Variants in SLC38A9 observed in about 807,000 individuals in gnomAD.
The protein encoded by SLC38A9 is solute carrier family 38 member 9.
Under a neutral mutation model 62.3 loss-of-function variants are expected in SLC38A9, and 48 were observed. That is an observed-to-expected ratio of 0.77 (90% confidence interval 0.61 to 0.98). SLC38A9 has a LOEUF of 0.98. SLC38A9 is among the 50% of genes least tolerant of loss of function. The pLI is 0.00. For synonymous variants in SLC38A9, 204 were observed against 227.7 expected, an observed-to-expected ratio of 0.90 and a Z score of 0.94; for missense variants, 541 against 679.8, an observed-to-expected ratio of 0.80 and a Z score of 2.27.
chr5:55,691,427 G>A, intron 3 of SLC38A9: 1 of 1,091,848 alleles, frequency 9.2e-7, no homozygotes. Flanking sequence ...AGAAGGATAT[G>A]AAATCCCTAG....
At chr5:55,705,025 CT>C (rs1447549838) in intron 2 of SLC38A9, among the ~76,000 whole-genome samples, 1 of 151,966 alleles carries the variant, frequency 6.6e-6, no homozygotes, top group Non-Finnish European at 1.5e-5. Flanking sequence ...CTGTTTAAAA[CT>C]AGAAAAATTA....
At chr5:55,678,695 C>T (rs938937807) in intron 3 of SLC38A9, among the ~76,000 whole-genome samples, 5 of 120,046 alleles carry the variant, frequency 4.2e-5, no homozygotes, top group Admixed American at 2.2e-4. Context: ...CTTGCTCTGT[C>T]ACCCAGGTTG....
intron 9 of SLC38A9, among the ~76,000 whole-genome samples, chr5:55,654,636 T>C (rs1339054397): frequency 6.6e-6 from 1 of 150,888 alleles, no homozygotes; most frequent in East Asian, 1.9e-4. Flanking sequence ...GCACAGGCTG[T>C]GGATGGAAGT....
chr5:55,645,445 T>C (rs1407875822), intron 12 of SLC38A9, among the ~76,000 whole-genome samples: 1 of 152,256 alleles, frequency 6.6e-6, no homozygotes, highest in Non-Finnish European at 1.5e-5. Context: ...TGGCAAACTA[T>C]GACTCATGGG....
chr5:55,659,379 T>TTTG (rs1749055047), intron 8 of SLC38A9, among the ~76,000 whole-genome samples: 1 of 30,562 alleles, frequency 3.3e-5, no homozygotes, highest in African/African-American at 7.3e-5. Context: ...ACTGGAAAGG[T>TTTG]TTTTTTTTTT....
intron 2 of SLC38A9, chr5:55,704,352 T>C (rs954965570): frequency 2.6e-5 from 4 of 152,172 alleles, no homozygotes; most frequent in African/African-American, 9.6e-5. Context: ...ATTTTAGAAG[T>C]TGAAAAGATG....
intron 12 of SLC38A9, among the ~76,000 whole-genome samples, chr5:55,642,419 G>A (rs936587037): frequency 6.6e-6 from 1 of 152,154 alleles, no homozygotes; most frequent in South Asian, 2.1e-4. Flanking sequence ...GATAAAACAT[G>A]ACACTTCAAT....
chr5:55,692,833 C>G, intron 3 of SLC38A9: 2 of 983,072 alleles, frequency 2.0e-6, no homozygotes, highest in Non-Finnish European at 2.4e-6. Flanking sequence ...AGTCAGCATT[C>G]ATTAGTGCTT....
At position 55,677,744 on chromosome 5, in the gene SLC38A9, T is replaced by C. The variant is rs371095877; in HGVS notation, c.114-5049A>G. Among the ~76,000 whole-genome samples the C allele has an allele frequency of 1.5e-4, 22 of 151,216 alleles. No individual in the cohort carries two copies. The South Asian group carries it at 1.7e-3, about 12-fold the overall frequency. On this transcript the variant is annotated intron_variant, in intron 3 of 15. Coordinates refer to ENST00000396865, the MANE Select transcript of SLC38A9 (RefSeq NM_173514.4). ...TTTTTTGGTAGAGATGGGGCTGTTA[T>C]GTTGCCCAGGCTGATCTCAACTGAT...
chr5:55,633,944 T>C (rs1482676363), intron 13 of SLC38A9, 42 bp from the exon 14 acceptor site: 1 of 1,446,668 alleles, frequency 6.9e-7, no homozygotes, highest in Non-Finnish European at 9.6e-7. Flanking sequence ...AAAATCAAAT[T>C]CAGTACACAC....
intron 9 of SLC38A9, among the ~76,000 whole-genome samples, chr5:55,654,926 C>T (rs1748133244): frequency 6.6e-6 from 1 of 152,122 alleles, no homozygotes. Context: ...TAGCCTCAAC[C>T]CCTCAGGCTC....
chr5:55,628,420 A>G (rs920016585), intron 14 of SLC38A9, among the ~76,000 whole-genome samples: 19 of 152,228 alleles, frequency 1.2e-4, no homozygotes, highest in African/African-American at 2.4e-5. Flanking sequence ...GTCAGGTAAA[A>G]TACTATCTAG....
chr5:55,708,274 G>A (rs996893466), intron 2 of SLC38A9, among the ~76,000 whole-genome samples: 31 of 152,098 alleles, frequency 2.0e-4, no homozygotes, highest in Non-Finnish European at 3.8e-4. Flanking sequence ...AGATTGCAGC[G>A]AGCTACAATG....
intron 3 of SLC38A9, among the ~76,000 whole-genome samples, chr5:55,683,128 A>G (rs1753265446): frequency 6.6e-6 from 1 of 152,192 alleles, no homozygotes. Flanking sequence ...AAAGCAGCAC[A>G]ATAAATTACA....
rs3072768 is a variant in SLC38A9, at chr5:55,661,444, C to CA, written c.697+3248dup. Among the ~76,000 whole-genome samples the CA allele has an allele frequency of 7.4e-3, 502 of 67,672 alleles. 42 individuals are homozygous for CA. Among genetic ancestry groups the CA allele is most frequent in the African/African-American group, 0.025 (403 of 16,284 alleles). 44.4% of individuals were successfully genotyped at this position (67,672 alleles called of 152,430 possible). On this transcript the variant is annotated intron_variant, in intron 8 of 15. Transcript: ENST00000396865. ...TGGGTGACAGAGCAAGACTCCGTCT[C>CA]AAAAAAAAAAAAAAAAAAAAAAAAA... is the stretch of plus-strand genomic sequence containing the variant.
chr5:55,647,746 T>G (rs562876972), intron 11 of SLC38A9, among the ~76,000 whole-genome samples: 34 of 152,342 alleles, frequency 2.2e-4, no homozygotes, highest in African/African-American at 7.9e-4. Flanking sequence ...TCCCATTAAC[T>G]AACAAAAGCT....
At position 55,694,754 on chromosome 5, in the gene SLC38A9, C is replaced by CTCCTTTCCTT. The variant is rs570063941; in HGVS notation, c.113+3082_113+3091dup. Among the ~76,000 whole-genome samples the CTCCTTTCCTT allele has an allele frequency of 1.1e-4, 16 of 139,760 alleles. 1 individual carries two copies. In the East Asian group the frequency reaches 1.6e-3, roughly 14 times the overall value. 91.7% of individuals were successfully genotyped at this position (139,760 alleles called of 152,430 possible). A position where few individuals can be genotyped will look rare whatever the true frequency, so the allele number is the denominator to read the frequency against. On this transcript the variant is annotated intron_variant, in intron 3 of 15. Transcript: ENST00000396865. Reference sequence around the variant, plus strand: ...CCCCACCCTTCTCCTCTCCTCTCCTCTCCTTTCCTTTCCTTTCCTGACAGA... The same window carrying CTCCTTTCCTT: ...CCCCACCCTTCTCCTCTCCTCTCCTCTCCTTTCCTTTCCTTTCCTTTCCTTTCCTGACAGA...
intron 12 of SLC38A9, among the ~76,000 whole-genome samples, chr5:55,642,579 C>T (rs755196620): frequency 4.9e-4 from 74 of 152,198 alleles, no homozygotes; most frequent in Non-Finnish European, 8.8e-4. Context: ...GTTTCTAGGG[C>T]ACTTGGGCTA....
intron 3 of SLC38A9, among the ~76,000 whole-genome samples, 159 bp downstream of exon 3, chr5:55,697,687 A>G (rs1251090811): frequency 1.3e-5 from 2 of 151,908 alleles, no homozygotes; most frequent in Non-Finnish European, 2.9e-5. Context: ...ATAAACCAGT[A>G]AATAGTATTC....
Sources: allele counts gnomAD v4.1 joint callset (sites outside exome capture counted in the v4.1 genomes callset), GRCh38; gene constraint gnomAD v4.1.1; transcripts MANE v1.5; gene names NCBI Gene and HGNC (gene_info 2026-07-23, HGNC 2026-07-21).